The following TTLL5 variants were observed in gnomAD, a reference collection of about 807,000 sequenced individuals.
TTLL5 encodes the protein tubulin tyrosine ligase like 5, also known as tubulin polyglutamylase TTLL5.
In TTLL5, 132 loss-of-function variants were observed where a neutral mutation model predicts 168.4. The observed-to-expected ratio is 0.78, with a 90% CI of 0.68 to 0.91. The LOEUF (loss-of-function observed/expected upper bound fraction) is 0.91, where lower values mean the gene tolerates loss of function less well. Among genes scored for constraint, TTLL5 ranks in the 40% least tolerant of loss-of-function variants. TTLL5 has a pLI of 0.00. For missense variants in TTLL5, 1,545 were observed against 1,581.5 expected, an observed-to-expected ratio of 0.98 and a Z score of 0.39; for synonymous variants, 546 against 558.6, an observed-to-expected ratio of 0.98 and a Z score of 0.32.
chr14:75,942,626 A>G (rs975947557), intron 31 of TTLL5, among the ~76,000 whole-genome samples: 2 of 152,202 alleles, frequency 1.3e-5, no homozygotes, highest in Non-Finnish European at 2.9e-5. Flanking sequence ...CGACATGTGA[A>G]TCTGCTCTTG....
At chr14:75,732,279 C>A in intron 12 of TTLL5, 59 bp from the exon 13 acceptor site, 1 of 1,501,526 alleles carries the variant, frequency 6.7e-7, no homozygotes, top group South Asian at 1.2e-5. Context: ...TCTTCTAGAT[C>A]TTTGTGTAGT....
intron 10 of TTLL5, among the ~76,000 whole-genome samples, chr14:75,718,939 C>G (rs1887650882): frequency 1.3e-5 from 2 of 152,194 alleles, no homozygotes; most frequent in Admixed American, 1.3e-4. Context: ...TAGGTTTCAG[C>G]AAATATCCTG....
chr14:75,926,107 A>C (rs1299015497), intron 31 of TTLL5, among the ~76,000 whole-genome samples: 1 of 131,714 alleles, frequency 7.6e-6, no homozygotes, highest in Non-Finnish European at 1.6e-5. Context: ...AGGGAGAGGG[A>C]GAGGGAGAAC....
At chr14:75,802,850 A>G (rs1893405161) in intron 27 of TTLL5, among the ~76,000 whole-genome samples, 1 of 152,232 alleles carries the variant, frequency 6.6e-6, no homozygotes, top group South Asian at 2.1e-4. Flanking sequence ...AAGCTGAACT[A>G]GCCTTCTTGG....
intron 27 of TTLL5, among the ~76,000 whole-genome samples, chr14:75,807,012 T>C (rs1327976120): frequency 6.6e-6 from 1 of 152,238 alleles, no homozygotes; most frequent in African/African-American, 2.4e-5. Context: ...ATCTTTTCTT[T>C]CCTGTTTTGC....
intron 28 of TTLL5, chr14:75,835,449 T>C (rs888233192): frequency 2.0e-5 from 3 of 152,248 alleles, no homozygotes; most frequent in African/African-American, 7.2e-5. Context: ...TTCTTCAGAC[T>C]GTAGTAAACA....
At chr14:75,718,922 A>AGC (rs1887648885) in intron 10 of TTLL5, among the ~76,000 whole-genome samples, 1 of 152,220 alleles carries the variant, frequency 6.6e-6, no homozygotes, top group Admixed American at 6.5e-5. Flanking sequence ...TAGTTGCTGA[A>AGC]GCTATATAGG....
At chr14:75,808,193 G>C (rs922988833) in intron 27 of TTLL5, among the ~76,000 whole-genome samples, 2 of 152,134 alleles carry the variant, frequency 1.3e-5, no homozygotes, top group African/African-American at 4.8e-5. Context: ...CTGGAACTCT[G>C]TCTGGATTTT....
At chr14:75,950,091 T>C (rs2034912589) in intron 31 of TTLL5, among the ~76,000 whole-genome samples, 1 of 152,130 alleles carries the variant, frequency 6.6e-6, no homozygotes, top group African/African-American at 2.4e-5. Context: ...GAATGTGATA[T>C]TGACACAAAA....
At chr14:75,691,657 G>GT (rs1401897102) in intron 6 of TTLL5, among the ~76,000 whole-genome samples, 1 of 152,326 alleles carries the variant, frequency 6.6e-6, no homozygotes, top group African/African-American at 2.4e-5. Flanking sequence ...AGTAGCATCG[G>GT]TGTGAGAGAA....
At chr14:75,856,985 G>T (rs1897162932) in intron 28 of TTLL5, among the ~76,000 whole-genome samples, 1 of 152,120 alleles carries the variant, frequency 6.6e-6, no homozygotes, top group African/African-American at 2.4e-5. Flanking sequence ...ATAAAAATAT[G>T]ATTTCATTTT....
At chr14:75,816,801 A>G (rs1894436843) in intron 27 of TTLL5, among the ~76,000 whole-genome samples, 1 of 152,088 alleles carries the variant, frequency 6.6e-6, no homozygotes, top group Non-Finnish European at 1.5e-5. Flanking sequence ...GCAGGAAAGC[A>G]GAGGAGTCAG....
intron 29 of TTLL5, among the ~76,000 whole-genome samples, chr14:75,869,071 C>G (rs1426054983): frequency 1.6e-5 from 2 of 124,874 alleles, no homozygotes; most frequent in Admixed American, 1.7e-4. Context: ...TGTTTAAGTT[C>G]CAGAGCATAT....
chr14:75,926,250 G>A (rs1291760569), intron 31 of TTLL5, among the ~76,000 whole-genome samples: 1 of 132,216 alleles, frequency 7.6e-6, no homozygotes, highest in African/African-American at 2.9e-5. Flanking sequence ...GTCTCTGCAC[G>A]TGAGATGGGT....
At chr14:75,682,828 A>G (rs1036100184) in intron 4 of TTLL5, among the ~76,000 whole-genome samples, 1 of 151,430 alleles carries the variant, frequency 6.6e-6, no homozygotes, top group Non-Finnish European at 1.5e-5. Context: ...GAACAGTGGC[A>G]TGATCATAGT....
At chr14:75,858,290 G>A (rs890144677) in intron 28 of TTLL5, among the ~76,000 whole-genome samples, 9 of 152,190 alleles carry the variant, frequency 5.9e-5, no homozygotes, top group Non-Finnish European at 1.0e-4. Context: ...CCAGGCAATG[G>A]CACCAAACTG....
rs144604316 is a variant in TTLL5, at chr14:75,771,818, C to A, written c.2100C>A (p.Phe700Leu). Residue 700 changes from phenylalanine to leucine, a missense_variant, in exon 21 of 32, where the codon TTC (phenylalanine) becomes TTA (leucine). Transcript: ENST00000298832. ...TGAAAGACAGTGGCGGTCAGACGTT[C>A]AGTGCCAGTTGGGCTGCCAAAGAGG... ...RLMKDSGGQTFSASWAAKEDE... is the reference protein window; with the variant it reads ...RLMKDSGGQTLSASWAAKEDE... The A allele has an allele frequency of 3.1e-6, 5 of 1,614,020 alleles. No individual in the cohort carries two copies. The African/African-American group carries it at 6.7e-5, about 22-fold the overall frequency.
chr14:75,822,731 C>T (rs963563259), intron 28 of TTLL5, among the ~76,000 whole-genome samples: 3 of 152,192 alleles, frequency 2.0e-5, no homozygotes, highest in Non-Finnish European at 2.9e-5. Flanking sequence ...CTTGTTCTCC[C>T]GCTGTTTTGA....
At chr14:75,885,305 A>G (rs1236150328) in intron 30 of TTLL5, among the ~76,000 whole-genome samples, 5 of 152,150 alleles carry the variant, frequency 3.3e-5, no homozygotes, top group Non-Finnish European at 5.9e-5. Flanking sequence ...CCTAACTAAC[A>G]TGGTGAAACC....
Sources: allele counts gnomAD v4.1 joint callset (sites outside exome capture counted in the v4.1 genomes callset), GRCh38; gene constraint gnomAD v4.1.1; transcripts MANE v1.5; gene names NCBI Gene and HGNC (gene_info 2026-07-23, HGNC 2026-07-21).